The following POLR1E variants were observed in gnomAD, a reference collection of about 807,000 sequenced individuals.
The protein encoded by POLR1E is DNA-directed RNA polymerase I subunit RPA49.
Under a neutral mutation model 50.9 loss-of-function variants are expected in POLR1E, and 37 were observed. The ratio of observed to expected loss-of-function variants is 0.73; its 90% CI spans 0.56 to 0.96. POLR1E has a LOEUF of 0.96. Among genes scored for constraint, POLR1E ranks in the 40% least tolerant of loss-of-function variants. POLR1E has a pLI of 0.00. For synonymous variants in POLR1E, 166 were observed against 191.6 expected (o/e 0.87, Z 1.10); for missense variants, 426 against 518.1 (o/e 0.82, Z 1.73).
intron 4 of POLR1E, among the ~76,000 whole-genome samples, chr9:37,490,154 A>G (rs10814549): frequency 0.26 from 40,120 of 151,810 alleles, 5,669 homozygotes; most frequent in African/African-American, 0.35. Flanking sequence ...TGATCATTTC[A>G]AGGGACTATC....
intron 4 of POLR1E, 137 bp from the exon 5 acceptor site, chr9:37,492,520 C>A: frequency 1.1e-6 from 1 of 881,376 alleles, no homozygotes; most frequent in South Asian, 1.5e-5. Context: ...ACAGTATACA[C>A]TCATGTTAGG....
chr9:37,490,464 T>C, intron 4 of POLR1E: 1 of 890,460 alleles, frequency 1.1e-6, no homozygotes, highest in Admixed American at 1.7e-5. Context: ...CAGCTCAGGC[T>C]GCTTCCCATT....
chr9:37,491,600 G>T (rs1293159533), intron 4 of POLR1E, among the ~76,000 whole-genome samples: 1 of 151,822 alleles, frequency 6.6e-6, no homozygotes, highest in Non-Finnish European at 1.5e-5. Context: ...AGTAGCTGGG[G>T]TTATAGGTGT....
intron 4 of POLR1E, chr9:37,490,475 G>A: frequency 1.1e-6 from 1 of 884,900 alleles, no homozygotes; most frequent in Admixed American, 1.7e-5. Context: ...GCTTCCCATT[G>A]GTTCTCACCA....
At chr9:37,497,997 G>A (rs1820813873) in intron 8 of POLR1E, 94 bp from the exon 9 acceptor site, 1 of 1,426,540 alleles carries the variant, frequency 7.0e-7, no homozygotes, top group African/African-American at 1.4e-5. Flanking sequence ...GTCGGGGTGA[G>A]AGGCGCCTGC....
Position 37,495,247 on chromosome 9 carries a change from A to G in POLR1E, c.626A>G (p.Lys209Arg). Residue 209 changes from lysine (K) to arginine (R), a missense_variant, in exon 7 of 12, where the codon AAG (lysine) becomes AGG (arginine). By Grantham distance (26) the Lys-to-Arg change is conservative. Transcript: ENST00000377798. ...YLPPCYDDAAKPEDVYKFEDL... is the reference protein window; with the variant it reads ...YLPPCYDDAARPEDVYKFEDL... ...CCTCCCTGCTATGATGATGCAGCCAAGCCTGAAGACGTGTATAAATTTGAA... is the reference window on the plus strand; with the variant it reads ...CCTCCCTGCTATGATGATGCAGCCAGGCCTGAAGACGTGTATAAATTTGAA... The G allele has an allele frequency of 5.6e-6, 9 of 1,614,052 alleles. No individual in the cohort carries two copies. Among genetic ancestry groups the G allele is most frequent in the Non-Finnish European group, 7.6e-6 (9 of 1,179,910 alleles).
rs1248193296 is a variant in POLR1E, at chr9:37,487,909, C to A, written c.227C>A (p.Thr76Asn). The A allele has an allele frequency of 6.2e-7, 1 of 1,614,198 alleles. No homozygotes were observed. Among genetic ancestry groups the A allele is most frequent in the South Asian group, 1.1e-5 (1 of 91,088 alleles). The change falls in exon 3 of 12, where the codon ACT becomes AAT. Residue 76 changes from threonine (T) to asparagine (N), a missense_variant. Physicochemically the swap from Thr to Asn is moderately conservative, Grantham distance 65. Transcript: ENST00000377798. Reference sequence around the variant, plus strand: ...TCCTATGTGGGAAACAATTTTGGGACTGGAGCCCTCAAATGCAACACTTTG... The same window carrying A: ...TCCTATGTGGGAAACAATTTTGGGAATGGAGCCCTCAAATGCAACACTTTG... ...RLSYVGNNFGTGALKCNTLCR... is the reference protein window; with the variant it reads ...RLSYVGNNFGNGALKCNTLCR...
At chr9:37,488,192 A>G in intron 3 of POLR1E, among the ~76,000 whole-genome samples, 1 of 152,228 alleles carries the variant, frequency 6.6e-6, no homozygotes, top group Non-Finnish European at 1.5e-5. Context: ...GTCTTATTCC[A>G]AAAGGCAGGT....
chr9:37,503,053 A>T lies in POLR1E; in HGVS notation c.1111A>T (p.Ile371Leu). Reference protein sequence around the residue: ...LKLSEKRMMEIAKAMRLKISK... With the variant: ...LKLSEKRMMELAKAMRLKISK... ...TTATGTCTTCCTTAGGATGATGGAG[A>T]TAGCCAAAGCCATGAGGCTGAAGAT... Residue 371 changes from isoleucine (I) to leucine (L), a missense_variant, in exon 12 of 12, where the codon ATA becomes TTA. By Grantham distance (5) the Ile-to-Leu change is conservative (BLOSUM62 2). Transcript: ENST00000377798. The T allele has an allele frequency of 6.2e-7, 1 of 1,612,310 alleles. No homozygotes were observed. Among genetic ancestry groups the T allele is most frequent in the South Asian group, 1.1e-5 (1 of 90,830 alleles).
chr9:37,490,060 G>T (rs538994766), intron 4 of POLR1E, among the ~76,000 whole-genome samples: 17 of 152,146 alleles, frequency 1.1e-4, no homozygotes, highest in Non-Finnish European at 2.4e-4. Flanking sequence ...GGACATGTCT[G>T]ATATAAAATC....
At position 37,486,687 on chromosome 9, in the gene POLR1E, G is replaced by A. The variant is rs774671986; in HGVS notation, c.77-16G>A. ...GCCTTCTGCTCTCATCTCATTCTTGGGCTGCACTCTTACAGTCCAGTTCTC... is the reference window on the plus strand; with the variant it reads ...GCCTTCTGCTCTCATCTCATTCTTGAGCTGCACTCTTACAGTCCAGTTCTC... On this transcript the variant is annotated splice_polypyrimidine_tract_variant and intron_variant, in intron 1 of 11. Transcript: ENST00000377798. The A allele has an allele frequency of 6.2e-7, 1 of 1,614,166 alleles. No homozygotes were observed. Among genetic ancestry groups the A allele is most frequent in the Non-Finnish European group, 8.5e-7 (1 of 1,180,034 alleles).
chr9:37,498,602 TAGAG>T (rs983717056), intron 9 of POLR1E, among the ~76,000 whole-genome samples: 1 of 152,186 alleles, frequency 6.6e-6, no homozygotes, highest in Non-Finnish European at 1.5e-5. Flanking sequence ...TGTGTATATA[TAGAG>T]AGAGCTTATG....
chr9:37,492,635 C>T, intron 4 of POLR1E, 22 bp from the exon 5 acceptor site: 1 of 1,612,170 alleles, frequency 6.2e-7, no homozygotes, highest in Non-Finnish European at 8.5e-7. Flanking sequence ...TTCTTTCTCT[C>T]TGTTTTTGTG....
At chr9:37,497,504 C>G (rs1820806210) in intron 8 of POLR1E, among the ~76,000 whole-genome samples, 2 of 152,336 alleles carry the variant, frequency 1.3e-5, no homozygotes, top group South Asian at 4.1e-4. Flanking sequence ...GCCCACATGC[C>G]AAGTCTGGCC....
intron 9 of POLR1E, among the ~76,000 whole-genome samples, chr9:37,498,733 C>T (rs10973379): frequency 0.22 from 32,673 of 151,964 alleles, 3,648 homozygotes; most frequent in East Asian, 0.26. Context: ...GGATCCTTTG[C>T]GGGTCACACC....
At position 37,489,325 on chromosome 9, in the gene POLR1E, G is replaced by A. The variant is rs781682942; in HGVS notation, c.268G>A (p.Gly90Arg). The A allele has an allele frequency of 6.3e-7, 1 of 1,597,538 alleles. No individual in the cohort carries two copies. Among genetic ancestry groups the A allele is most frequent in the Non-Finnish European group, 8.5e-7 (1 of 1,175,020 alleles). Reference protein sequence around the residue: ...KCNTLCRHFVGILNKTSGQME... With the variant: ...KCNTLCRHFVRILNKTSGQME... ...TTCTTCTTTATTCAGGCACTTTGTG[G>A]GAATTTTGAACAAGACCTCTGGCCA... Residue 90 changes from glycine (G) to arginine (R), a missense_variant, in exon 4 of 12, where the codon GGA (glycine) becomes AGA (arginine). By Grantham distance (125) the Gly-to-Arg change is moderately radical (BLOSUM62 -2). Transcript: ENST00000377798.
At chr9:37,486,289 C>A in intron 1 of POLR1E, 166 bp downstream of exon 1, 1 of 1,276,230 alleles carries the variant, frequency 7.8e-7, no homozygotes, top group Non-Finnish European at 1.1e-6. Flanking sequence ...GTCCGTCTTT[C>A]TGTCACTACC....
chr9:37,499,121 C>T lies in POLR1E; in HGVS notation c.886+897C>T, dbSNP rs1299404169. On this transcript the variant is annotated intron_variant, in intron 9 of 11. Coordinates refer to ENST00000377798, the MANE Select transcript of POLR1E (RefSeq NM_022490.4). ...TCTAAACAGAAAAGGAATAGTAAAA[C>T]TATGATATTATAATCTTACGGGACT... 2.0e-5 allele frequency among the ~76,000 whole-genome samples: 3 copies of T among 152,098 alleles called. No individual in the cohort carries two copies. In the East Asian group the frequency reaches 5.8e-4, roughly 29 times the overall value.
chr9:37,503,018 G>A, intron 11 of POLR1E, 25 bp from the exon 12 acceptor site: 1 of 1,597,608 alleles, frequency 6.3e-7, no homozygotes, highest in Non-Finnish European at 8.5e-7. Context: ...GGTCTCTCCA[G>A]TTCTTCTGTT....
Sources: gnomAD v4.1 joint callset for allele counts (sites outside exome capture counted in the v4.1 genomes callset) on GRCh38, gnomAD v4.1.1 for gene constraint, MANE v1.5 for transcripts, NCBI Gene and HGNC (gene_info 2026-07-23, HGNC 2026-07-21) for gene names.